The following OTUD7A variants were observed in gnomAD, a reference collection of about 807,000 sequenced individuals.
The protein encoded by OTUD7A is OTU deubiquitinase 7A, also known as OTU domain-containing protein 7A.
OTUD7A carries 12 observed loss-of-function variants against 65.7 expected under a neutral mutation model. The ratio of observed to expected loss-of-function variants is 0.18; its 90% CI spans 0.12 to 0.30. The LOEUF is 0.30. Ranked by LOEUF, OTUD7A falls within the 10% of genes least tolerant of loss-of-function variation. OTUD7A has a pLI of 1.00. For synonymous variants in OTUD7A, 641 were observed against 586.3 expected (o/e 1.09, Z -1.35); for missense variants, 1,148 against 1,304.8 (o/e 0.88, Z 1.85).
chr15:31,571,198 T>A (rs1029562307), intron 3 of OTUD7A, among the ~76,000 whole-genome samples: 8 of 152,016 alleles, frequency 5.3e-5, no homozygotes, highest in Admixed American at 3.3e-4. Flanking sequence ...CTATTATGTA[T>A]CCATAACAAT....
chr15:31,801,053 C>CAAAAAAAAAAAAAAAAA (rs772401103), intron 1 of OTUD7A, among the ~76,000 whole-genome samples: 1 of 91,352 alleles, frequency 1.1e-5, no homozygotes, highest in Non-Finnish European at 2.3e-5. Context: ...CCAGCAGCCT[C>CAAAAAAAAAAAAAAAAA]AAAAAAAAAA....
At chr15:31,769,144 A>G (rs1409098405) in intron 1 of OTUD7A, among the ~76,000 whole-genome samples, 1 of 152,240 alleles carries the variant, frequency 6.6e-6, no homozygotes, top group African/African-American at 2.4e-5. Flanking sequence ...CAAAATACAT[A>G]GGTCAAAAGT....
At chr15:31,566,361 CAT>C (rs1888874835) in intron 4 of OTUD7A, among the ~76,000 whole-genome samples, 1 of 152,070 alleles carries the variant, frequency 6.6e-6, no homozygotes, top group African/African-American at 2.4e-5. Flanking sequence ...GGGAAAAACA[CAT>C]ATACATATAG....
chr15:31,636,060 TA>T lies in OTUD7A; in HGVS notation c.151+19035del, dbSNP rs1488392254. 2.0e-5 allele frequency among the ~76,000 whole-genome samples: 3 copies of T among 152,244 alleles called. No individual in the cohort carries two copies. In the East Asian group the frequency reaches 5.8e-4, roughly 29 times the overall value. ...CAATTGACACCAAATAAAATGCACA[TA>T]TTTAAGTTTATAATTTGAGAAGCTG... On this transcript the variant is annotated intron_variant, in intron 3 of 12. Transcript: ENST00000307050.
chr15:31,730,930 T>C (rs545714249), intron 1 of OTUD7A, among the ~76,000 whole-genome samples: 14 of 152,378 alleles, frequency 9.2e-5, no homozygotes, highest in South Asian at 4.1e-4. Context: ...AAGAGTTTAG[T>C]AGCACCTTGG....
chr15:31,671,722 A>G (rs1428841452), intron 1 of OTUD7A, among the ~76,000 whole-genome samples: 1 of 151,822 alleles, frequency 6.6e-6, no homozygotes. Flanking sequence ...GCTAATTTTT[A>G]TTTAAAACTC....
rs1368008081 is a variant in OTUD7A at position 31,481,973 on chromosome 15, T to C, written c.*1321A>G. 6.6e-6 allele frequency: 1 copy of C among 152,234 alleles called. No individual in the cohort carries two copies. Among genetic ancestry groups the C allele is most frequent in the Non-Finnish European group, 1.5e-5 (1 of 68,030 alleles). The allele number at this position is 152,234 out of a possible 1,614,324, so 9.4% of individuals were successfully genotyped here. On this transcript the variant is annotated 3_prime_UTR_variant, in exon 13 of 13. Transcript: ENST00000307050. ...GAGGATTTTACCCATCTTATCCTCATTTCTTGGAAACAAGCTCGTTCCTTA... is the reference window on the plus strand; with the variant it reads ...GAGGATTTTACCCATCTTATCCTCACTTCTTGGAAACAAGCTCGTTCCTTA...
chr15:31,484,253 G>T lies in OTUD7A; in HGVS notation c.1843C>A (p.Arg615=). The part of the protein sequence containing the change: ...ASPAEKGGGP[R]GDAWKYSTDV... ...GTGCTGTACTTCCAGGCGTCGCCCC[G>T]CGGCCCACCGCCCTTCTCCGCCGGC... is the stretch of plus-strand genomic sequence containing the variant. Residue 615 remains arginine (R), a synonymous_variant, in exon 13 of 13, where the codon CGG becomes AGG. Transcript: ENST00000307050. This position sits in a 1 kb window ranked among gnomAD's most constrained non-coding sequence, Gnocchi z 4.5. 6.3e-7 allele frequency: 1 copy of T among 1,596,222 alleles called. No homozygotes were observed. Among genetic ancestry groups the T allele is most frequent in the Non-Finnish European group, 8.5e-7 (1 of 1,174,058 alleles).
chr15:31,581,404 G>T (rs1221188788), intron 3 of OTUD7A, among the ~76,000 whole-genome samples: 1 of 152,254 alleles, frequency 6.6e-6, no homozygotes, highest in Admixed American at 6.5e-5. Flanking sequence ...CAGTGCCCCA[G>T]TAGGGACTCT....
chr15:31,530,184 T>C (rs1308491391), intron 6 of OTUD7A, among the ~76,000 whole-genome samples: 2 of 152,216 alleles, frequency 1.3e-5, no homozygotes, highest in African/African-American at 4.8e-5. Flanking sequence ...CATTAGTCCA[T>C]GCCAACTGTT....
chr15:31,679,843 C>G (rs1292923848), intron 1 of OTUD7A, among the ~76,000 whole-genome samples: 2 of 151,842 alleles, frequency 1.3e-5, no homozygotes, highest in African/African-American at 2.4e-5. Context: ...AGACAATAAA[C>G]AAAGTTCTAT....
intron 1 of OTUD7A, among the ~76,000 whole-genome samples, chr15:31,769,285 A>C (rs1895169680): frequency 6.6e-6 from 1 of 152,366 alleles, no homozygotes; most frequent in African/African-American, 2.4e-5. Flanking sequence ...TAAGAGAGAT[A>C]ATATGTAATG....
intron 3 of OTUD7A, among the ~76,000 whole-genome samples, chr15:31,653,068 T>G (rs555312992): frequency 6.6e-6 from 1 of 151,884 alleles, no homozygotes; most frequent in African/African-American, 2.4e-5. Context: ...GGCCAATATG[T>G]TGAAATCCCG....
chr15:31,569,988 C>G (rs555546172), intron 4 of OTUD7A, 30 bp downstream of exon 4: 1 of 1,610,522 alleles, frequency 6.2e-7, no homozygotes, highest in Non-Finnish European at 8.5e-7. Context: ...GCCTGGGCGG[C>G]TGTGCCTAGG....
At chr15:31,740,210 C>G (rs909251378) in intron 1 of OTUD7A, among the ~76,000 whole-genome samples, 1 of 151,992 alleles carries the variant, frequency 6.6e-6, no homozygotes, top group South Asian at 2.1e-4. Context: ...GGCAACAGCC[C>G]CAGAGGCTGG....
At chr15:31,567,230 A>C (rs1025458465) in intron 4 of OTUD7A, among the ~76,000 whole-genome samples, 8 of 152,236 alleles carry the variant, frequency 5.3e-5, no homozygotes, top group Non-Finnish European at 1.2e-4. Flanking sequence ...ATATGAAGAA[A>C]TTATTGGGGA....
chr15:31,513,617 G>A (rs28583941), intron 8 of OTUD7A, among the ~76,000 whole-genome samples: 110,702 of 152,054 alleles, frequency 0.73, 40,517 homozygotes, highest in East Asian at 0.84. Context: ...GGGTTTCTCT[G>A]TTTCCTCACA....
rs1030319915 is a variant in OTUD7A at position 31,483,248 on chromosome 15, A to C, written c.*46T>G. The C allele has an allele frequency of 2.8e-6, 3 of 1,063,980 alleles. No individual in the cohort carries two copies. The highest frequency in any genetic ancestry group is 1.5e-4 in the East Asian group (2 of 13,330). 65.9% of individuals were successfully genotyped at this position (1,063,980 alleles called of 1,614,324 possible). A position where few individuals can be genotyped will look rare whatever the true frequency, so the allele number is the denominator to read the frequency against. ...AAAAGACACCGACACAATGGAAAAG[A>C]AATCCTCGAAGGTAGAACCTCGCCG... is the stretch of plus-strand genomic sequence containing the variant. On this transcript the variant is annotated 3_prime_UTR_variant, in exon 13 of 13. Transcript: ENST00000307050.
chr15:31,517,228 G>A (rs946350341), intron 8 of OTUD7A, among the ~76,000 whole-genome samples: 3 of 152,190 alleles, frequency 2.0e-5, no homozygotes, highest in African/African-American at 4.8e-5. Context: ...CTTATTGCAG[G>A]TTTTCTAGCT....
Sources: allele counts gnomAD v4.1 joint callset (sites outside exome capture counted in the v4.1 genomes callset), GRCh38; gene constraint gnomAD v4.1.1; non-coding constraint Gnocchi (gnomAD v3.1); transcripts MANE v1.5; gene names NCBI Gene and HGNC (gene_info 2026-07-23, HGNC 2026-07-21).